The following KCNB2 variants were observed in gnomAD, a reference collection of about 807,000 sequenced individuals.
KCNB2 encodes the protein delayed rectifier potassium channel protein.
In KCNB2, 15 loss-of-function variants were observed where a neutral mutation model predicts 61.5. That is an observed-to-expected ratio of 0.24 (90% CI 0.16 to 0.38). The LOEUF (loss-of-function observed/expected upper bound fraction) is 0.38, where lower values mean the gene tolerates loss of function less well. KCNB2 is among the 10% of genes least tolerant of loss of function. The pLI is 1.00. For synonymous variants in KCNB2, 457 were observed against 446.0 expected (o/e 1.02, Z -0.31); for missense variants, 828 against 1,125.2 (o/e 0.74, Z 3.78).
chr8:72,663,009 C>G (rs551186129), intron 2 of KCNB2, among the ~76,000 whole-genome samples: 1 of 152,232 alleles, frequency 6.6e-6, no homozygotes, highest in Non-Finnish European at 1.5e-5. Context: ...CACCTGAGCT[C>G]CTCCCTACCA....
At chr8:72,676,922 C>T (rs542384445) in intron 2 of KCNB2, among the ~76,000 whole-genome samples, 27 of 152,184 alleles carry the variant, frequency 1.8e-4, no homozygotes, top group African/African-American at 6.3e-4. Context: ...TTGTCTGTTC[C>T]CCCCACCCCT....
intron 2 of KCNB2, among the ~76,000 whole-genome samples, chr8:72,851,840 A>AAAAAAAAAAAAAAC (rs1554538995): frequency 7.4e-6 from 1 of 134,462 alleles, no homozygotes; most frequent in African/African-American, 3.0e-5. Flanking sequence ...AAAAAAAAAA[A>AAAAAAAAAAAAAAC]AAAAAAAACA....
chr8:72,762,749 C>T (rs921292635), intron 2 of KCNB2, among the ~76,000 whole-genome samples: 1 of 151,780 alleles, frequency 6.6e-6, no homozygotes, highest in African/African-American at 2.4e-5. Context: ...CTGTGTATGC[C>T]GATCTGTTCC....
At chr8:72,801,643 T>A (rs1809127827) in intron 2 of KCNB2, among the ~76,000 whole-genome samples, 1 of 152,114 alleles carries the variant, frequency 6.6e-6, no homozygotes, top group Non-Finnish European at 1.5e-5. Flanking sequence ...TTGAGTAAAC[T>A]CTTCGCTATA....
chr8:72,926,408 T>C lies in KCNB2; in HGVS notation c.580-9527T>C, dbSNP rs1374118373. Among the ~76,000 whole-genome samples, 4 of 152,328 alleles carry C rather than the reference T, an allele frequency of 2.6e-5. No homozygotes were observed. In the East Asian group the frequency reaches 7.7e-4, roughly 29 times the overall value. ...AATCTAGTTAAAATGTGTTCACATG[T>C]ATTATTTTCATTTTATCATTTCTTT... On this transcript the variant is annotated intron_variant, in intron 2 of 2. Coordinates refer to ENST00000523207, the MANE Select transcript of KCNB2 (RefSeq NM_004770.3).
At chr8:72,823,000 C>T (rs569655119) in intron 2 of KCNB2, among the ~76,000 whole-genome samples, 1 of 147,312 alleles carries the variant, frequency 6.8e-6, no homozygotes, top group South Asian at 2.3e-4. Flanking sequence ...AGGCACCCAT[C>T]CACGTGGCTC....
chr8:72,856,308 T>G (rs937677028), intron 2 of KCNB2, among the ~76,000 whole-genome samples: 1 of 152,154 alleles, frequency 6.6e-6, no homozygotes, highest in African/African-American at 2.4e-5. Flanking sequence ...TAGTGCATAT[T>G]TTACACTTAC....
intron 2 of KCNB2, among the ~76,000 whole-genome samples, chr8:72,692,464 A>T (rs1324291021): frequency 6.6e-6 from 1 of 152,084 alleles, no homozygotes; most frequent in Non-Finnish European, 1.5e-5. Flanking sequence ...CCCACCTGAG[A>T]ATATAGTTTG....
intron 1 of KCNB2, among the ~76,000 whole-genome samples, chr8:72,558,828 G>A (rs1014296044): frequency 5.8e-5 from 2 of 34,564 alleles, no homozygotes; most frequent in Non-Finnish European, 9.2e-5. Context: ...AAGGTACCTG[G>A]TTCTAAAGTT....
chr8:72,744,779 C>G (rs1201201375), intron 2 of KCNB2, among the ~76,000 whole-genome samples: 1 of 152,178 alleles, frequency 6.6e-6, no homozygotes, highest in Non-Finnish European at 1.5e-5. Context: ...AAACTGAGAA[C>G]AGCTGAGCAG....
chr8:72,586,696 G>A (rs1042239159), intron 2 of KCNB2, among the ~76,000 whole-genome samples: 1 of 152,198 alleles, frequency 6.6e-6, no homozygotes, highest in Admixed American at 6.5e-5. Context: ...GAGAGATTAA[G>A]TAACAAAACC....
chr8:72,908,649 C>T (rs548175393), intron 2 of KCNB2, among the ~76,000 whole-genome samples: 1 of 152,284 alleles, frequency 6.6e-6, no homozygotes, highest in Admixed American at 6.5e-5. Flanking sequence ...AAGGTGTTTT[C>T]ACATTATTTT....
At chr8:72,720,710 A>C (rs908224829) in intron 2 of KCNB2, among the ~76,000 whole-genome samples, 8 of 152,178 alleles carry the variant, frequency 5.3e-5, no homozygotes, top group Non-Finnish European at 1.2e-4. Flanking sequence ...GATAAAAACT[A>C]GTTGAATGAG....
At chr8:72,798,913 C>T (rs932625354) in intron 2 of KCNB2, among the ~76,000 whole-genome samples, 9 of 152,174 alleles carry the variant, frequency 5.9e-5, no homozygotes, top group African/African-American at 2.2e-4. Context: ...AAGAGAATCT[C>T]TCGCTATCTT....
At chr8:72,909,911 G>A (rs1251861135) in intron 2 of KCNB2, among the ~76,000 whole-genome samples, 4 of 152,126 alleles carry the variant, frequency 2.6e-5, no homozygotes, top group East Asian at 1.9e-4. Flanking sequence ...AGGTATGTTT[G>A]AGTGAAAAGT....
intron 2 of KCNB2, among the ~76,000 whole-genome samples, chr8:72,582,343 T>G (rs28531952): frequency 6.6e-6 from 1 of 152,078 alleles, no homozygotes; most frequent in Non-Finnish European, 1.5e-5. Context: ...CTACGGGAGA[T>G]TGGAATAGAG....
intron 1 of KCNB2, among the ~76,000 whole-genome samples, chr8:72,539,422 C>A (rs182377574): frequency 3.9e-4 from 59 of 152,288 alleles, no homozygotes; most frequent in African/African-American, 1.3e-3. Context: ...AATCCCCTCC[C>A]TCTTGCCTTA....
intron 2 of KCNB2, among the ~76,000 whole-genome samples, chr8:72,775,914 C>T (rs572232608): frequency 1.3e-5 from 2 of 152,092 alleles, no homozygotes; most frequent in East Asian, 1.9e-4. Flanking sequence ...TATACCCAAA[C>T]GATTATAAAT....
At chr8:72,671,044 G>A (rs778770173) in intron 2 of KCNB2, among the ~76,000 whole-genome samples, 44 of 152,130 alleles carry the variant, frequency 2.9e-4, no homozygotes, top group Admixed American at 1.1e-3. Context: ...ATAAAGTTAC[G>A]GAATTTCAGA....
Sources: allele counts gnomAD v4.1 joint callset (sites outside exome capture counted in the v4.1 genomes callset), GRCh38; gene constraint gnomAD v4.1.1; transcripts MANE v1.5; gene names NCBI Gene and HGNC (gene_info 2026-07-23, HGNC 2026-07-21).